CDYL: variants seen among roughly 807,000 people sequenced by gnomAD.
CDYL encodes the protein chromodomain Y-like protein.
A neutral mutation model predicts 47.3 loss-of-function variants in CDYL; 8 were observed. The observed-to-expected ratio is 0.17, with a 90% CI of 0.10 to 0.31. The LOEUF (loss-of-function observed/expected upper bound fraction) is 0.31, where lower values mean the gene tolerates loss of function less well. Among genes scored for constraint, CDYL ranks in the 10% least tolerant of loss-of-function variants. The pLI is 1.00. For synonymous variants in CDYL, 266 were observed against 265.0 expected (o/e 1.00, Z -0.04); for missense variants, 471 against 701.4 (o/e 0.67, Z 3.71).
intron 2 of CDYL, among the ~76,000 whole-genome samples, chr6:4,728,607 G>A (rs2127413106): frequency 6.6e-6 from 1 of 152,320 alleles, no homozygotes; most frequent in Admixed American, 6.5e-5. Context: ...CACACCTGAT[G>A]AGGAATCTTG....
intron 1 of CDYL, among the ~76,000 whole-genome samples, chr6:4,819,154 C>CTGTGTGTGTGTG (rs1481715959): frequency 7.3e-6 from 1 of 137,610 alleles, no homozygotes; most frequent in African/African-American, 3.2e-5. Flanking sequence ...CTCTCTCTCT[C>CTGTGTGTGTGTG]TCTCTCTCTG....
chr6:4,770,082 C>T (rs1283711885), intron 3 of CDYL, among the ~76,000 whole-genome samples: 1 of 151,922 alleles, frequency 6.6e-6, no homozygotes, highest in African/African-American at 2.4e-5. Flanking sequence ...CGTGATCCAC[C>T]AGCCTTGGCC....
chr6:4,846,223 ATGT>A (rs1195917384), intron 1 of CDYL, among the ~76,000 whole-genome samples: 2 of 150,510 alleles, frequency 1.3e-5, no homozygotes, highest in African/African-American at 4.9e-5. Flanking sequence ...ATTTTTTCAG[ATGT>A]TGTCTGGTTT....
intron 3 of CDYL, among the ~76,000 whole-genome samples, chr6:4,753,396 T>C (rs1758027986): frequency 6.6e-6 from 1 of 152,176 alleles, no homozygotes; most frequent in Non-Finnish European, 1.5e-5. Flanking sequence ...ATACCTGTAC[T>C]CTGGACTCTC....
intron 1 of CDYL, among the ~76,000 whole-genome samples, chr6:4,707,032 A>G (rs6934235): frequency 1 from 152,211 of 152,280 alleles, 76,072 homozygotes; most frequent in Non-Finnish European, 1. Context: ...GGCACCAACT[A>G]CCAGGTGTTT....
At chr6:4,943,796 A>G (rs1256259115) in intron 5 of CDYL, 40 bp downstream of exon 5, 4 of 1,389,720 alleles carry the variant, frequency 2.9e-6, no homozygotes, top group East Asian at 2.3e-5. Context: ...AAGTCATTCT[A>G]GAAAGCTTCC....
intron 1 of CDYL, among the ~76,000 whole-genome samples, chr6:4,803,715 A>G (rs961264595): frequency 1.5e-4 from 22 of 146,496 alleles, no homozygotes; most frequent in Non-Finnish European, 2.4e-4. Flanking sequence ...CTGGCTTCAG[A>G]CTTGGCTCAC....
chr6:4,896,645 G>C (rs920815255), intron 2 of CDYL, among the ~76,000 whole-genome samples: 2 of 152,326 alleles, frequency 1.3e-5, no homozygotes, highest in African/African-American at 4.8e-5. Context: ...TGAATGAGGA[G>C]AAGCCGCGCT....
intron 1 of CDYL, among the ~76,000 whole-genome samples, chr6:4,840,211 G>A (rs1459533394): frequency 1.3e-5 from 2 of 151,804 alleles, no homozygotes; most frequent in African/African-American, 4.8e-5. Flanking sequence ...GTCTCACCTT[G>A]GTTGTTGTTG....
intron 1 of CDYL, among the ~76,000 whole-genome samples, chr6:4,781,509 A>T (rs374938135): frequency 5.9e-5 from 9 of 152,218 alleles, no homozygotes; most frequent in Admixed American, 3.9e-4. Context: ...GTGTGTTTTG[A>T]CAATAATAGC....
intron 2 of CDYL, among the ~76,000 whole-genome samples, chr6:4,900,631 C>A (rs1456300768): frequency 6.6e-6 from 1 of 151,234 alleles, no homozygotes; most frequent in African/African-American, 2.4e-5. Context: ...ACATATTTAC[C>A]TATTCTTAAC....
chr6:4,881,412 C>T (rs554866869), intron 1 of CDYL, among the ~76,000 whole-genome samples: 13 of 152,094 alleles, frequency 8.5e-5, no homozygotes, highest in African/African-American at 3.1e-4. Flanking sequence ...GGCTCAGCAT[C>T]GAATGGGAAC....
chr6:4,759,064 G>T (rs1256495511), intron 3 of CDYL, among the ~76,000 whole-genome samples: 2 of 151,148 alleles, frequency 1.3e-5, no homozygotes, highest in African/African-American at 4.9e-5. Flanking sequence ...GCCTCCCCGG[G>T]TTCACGCCAT....
chr6:4,830,985 T>G (rs1321245768), intron 1 of CDYL, among the ~76,000 whole-genome samples: 4 of 152,146 alleles, frequency 2.6e-5, no homozygotes, highest in African/African-American at 4.8e-5. Context: ...TGCCACATTT[T>G]CTTAATCCAG....
Position 4,897,189 on chromosome 6 carries a change from A to G in CDYL, c.691+4810A>G, listed in dbSNP as rs563150961. Among the ~76,000 whole-genome samples the G allele has an allele frequency of 1.8e-4, 28 of 152,376 alleles. No individual in the cohort carries two copies. The South Asian group carries it at 5.6e-3, about 30-fold the overall frequency. On this transcript the variant is annotated intron_variant, in intron 2 of 6. Transcript: ENST00000397588. ...ACTTTGTCCTTTCATGGATTCAAAC[A>G]TATAATTCATCATCATTCCGTAAGT...
chr6:4,806,729 T>C (rs1224095869), intron 1 of CDYL, among the ~76,000 whole-genome samples: 1 of 152,246 alleles, frequency 6.6e-6, no homozygotes, highest in Admixed American at 6.5e-5. Context: ...ATCTGGACAC[T>C]TTCAAAGAGT....
intron 2 of CDYL, among the ~76,000 whole-genome samples, chr6:4,929,017 A>G (rs912640411): frequency 6.6e-6 from 1 of 151,946 alleles, no homozygotes; most frequent in Non-Finnish European, 1.5e-5. Flanking sequence ...TTACCCATAT[A>G]TTTACTGGTC....
intron 1 of CDYL, among the ~76,000 whole-genome samples, chr6:4,837,913 A>G (rs1760370808): frequency 6.6e-6 from 1 of 151,154 alleles, no homozygotes; most frequent in African/African-American, 2.4e-5. Flanking sequence ...ATCTAGGACT[A>G]CAGGCGTGCA....
intron 1 of CDYL, among the ~76,000 whole-genome samples, chr6:4,784,124 GT>G (rs1313181134): frequency 1.3e-5 from 2 of 152,132 alleles, no homozygotes; most frequent in African/African-American, 4.8e-5. Flanking sequence ...TTAATCTGCT[GT>G]TTTATTCAAC....
Sources: gnomAD v4.1 joint callset for allele counts (sites outside exome capture counted in the v4.1 genomes callset) on GRCh38, gnomAD v4.1.1 for gene constraint, MANE v1.5 for transcripts, NCBI Gene and HGNC (gene_info 2026-07-23, HGNC 2026-07-21) for gene names.